The following GLIS3 variants were observed in gnomAD, a reference collection of about 807,000 sequenced individuals.
The protein encoded by GLIS3 is GLIS family zinc finger 3.
GLIS3 carries 53 observed loss-of-function variants against 78.6 expected under a neutral mutation model. The observed-to-expected ratio is 0.67, with a 90% CI of 0.54 to 0.85. GLIS3 has a LOEUF of 0.85. GLIS3 is among the 40% of genes least tolerant of loss of function. The pLI is 0.00. For missense variants in GLIS3, 1,703 were observed against 1,231.1 expected (o/e 1.38, Z -5.74); for synonymous variants, 684 against 509.9 (o/e 1.34, Z -4.60).
At chr9:3,879,159 A>G (rs1334870131) in intron 8 of GLIS3, among the ~76,000 whole-genome samples, 1 of 152,174 alleles carries the variant, frequency 6.6e-6, no homozygotes, top group East Asian at 1.9e-4. Flanking sequence ...GAAAGGTAGA[A>G]AGACAGGGAA....
At chr9:4,001,113 C>T (rs1311030809) in intron 4 of GLIS3, among the ~76,000 whole-genome samples, 1 of 152,194 alleles carries the variant, frequency 6.6e-6, no homozygotes, top group Non-Finnish European at 1.5e-5. Flanking sequence ...ACTTCCTACC[C>T]TCAAACAGCT....
chr9:4,418,682 G>C, the GLIS3 span, among the ~76,000 whole-genome samples: 1 of 152,054 alleles, frequency 6.6e-6, no homozygotes, highest in African/African-American at 2.4e-5. Flanking sequence ...CTGGATGACA[G>C]AGCCAGAGTC....
intron 8 of GLIS3, among the ~76,000 whole-genome samples, chr9:3,877,820 C>T (rs1206991748): frequency 4.6e-5 from 7 of 152,162 alleles, no homozygotes; most frequent in Non-Finnish European, 7.4e-5. Flanking sequence ...TTGTTTTTCC[C>T]GTCTCTCCTT....
At chr9:4,129,018 T>C (rs547284537) in intron 2 of GLIS3, among the ~76,000 whole-genome samples, 3 of 152,302 alleles carry the variant, frequency 2.0e-5, no homozygotes, top group Admixed American at 2.0e-4. Flanking sequence ...CTTGGGAACA[T>C]GTAAATGTTT....
chr9:4,050,658 A>G (rs911506193), intron 4 of GLIS3, among the ~76,000 whole-genome samples: 5 of 152,206 alleles, frequency 3.3e-5, no homozygotes, highest in Admixed American at 6.5e-5. Flanking sequence ...TGTGGAGTAT[A>G]TATCTCTGTA....
the GLIS3 span, among the ~76,000 whole-genome samples, chr9:4,478,788 G>T: frequency 5.3e-5 from 8 of 152,152 alleles, no homozygotes; most frequent in African/African-American, 1.9e-4. Context: ...GAATTAGAAT[G>T]AATTTTTTAA....
At chr9:4,194,451 A>T (rs954067145) in intron 2 of GLIS3, among the ~76,000 whole-genome samples, 3 of 152,196 alleles carry the variant, frequency 2.0e-5, no homozygotes, top group Admixed American at 6.5e-5. Context: ...AAATGTCATA[A>T]ATTATTTAAA....
chr9:4,042,873 A>C (rs1824936995), intron 4 of GLIS3, among the ~76,000 whole-genome samples: 1 of 152,068 alleles, frequency 6.6e-6, no homozygotes, highest in Admixed American at 6.6e-5. Flanking sequence ...TTTGAGTAAA[A>C]ACTTGAAAGT....
chr9:4,338,389 T>C lies in GLIS3; in HGVS notation n.264+8692A>G, dbSNP rs149503916. The stretch of plus-strand genomic sequence containing the variant: ...GTGTACACACACACACACACACACA[T>C]ACACACACACACACACACACAATTT... On this transcript the variant is annotated intron_variant and non_coding_transcript_variant, in intron 2 of 4. Coordinates refer to the GLIS3 transcript ENST00000471664. Among the ~76,000 whole-genome samples the C allele has an allele frequency of 8.7e-3, 1,287 of 147,328 alleles. 8 individuals are homozygous for C. The highest frequency in any genetic ancestry group is 0.028 in the African/African-American group (1,089 of 39,338).
At chr9:4,252,941 G>A (rs1824537084) in intron 2 of GLIS3, among the ~76,000 whole-genome samples, 2 of 152,188 alleles carry the variant, frequency 1.3e-5, no homozygotes, top group Admixed American at 1.3e-4. Flanking sequence ...CACCAGTGGA[G>A]GCTGCAGAAC....
intron 2 of GLIS3, among the ~76,000 whole-genome samples, chr9:4,336,972 G>T (rs950182509): frequency 2.6e-5 from 4 of 152,166 alleles, no homozygotes; most frequent in Admixed American, 1.3e-4. Context: ...CCAGAGGACA[G>T]AATATAAATG....
chr9:4,271,988 G>A (rs1162824913), intron 2 of GLIS3, among the ~76,000 whole-genome samples: 1 of 152,140 alleles, frequency 6.6e-6, no homozygotes, highest in Non-Finnish European at 1.5e-5. Flanking sequence ...ATTCTCATTT[G>A]TGAGAATTAA....
chr9:4,432,218 G>A, the GLIS3 span, among the ~76,000 whole-genome samples: 1 of 138,802 alleles, frequency 7.2e-6, no homozygotes, highest in Non-Finnish European at 1.5e-5. Context: ...TCAGTGTATA[G>A]GAGTTGCCAA....
the GLIS3 span, among the ~76,000 whole-genome samples, chr9:4,486,830 C>A: frequency 1.3e-5 from 2 of 152,126 alleles, no homozygotes; most frequent in African/African-American, 2.4e-5. Context: ...GTGAGGACTA[C>A]AGGCATGTGC....
intron 4 of GLIS3, among the ~76,000 whole-genome samples, chr9:4,068,582 A>G (rs1399993156): frequency 6.6e-6 from 1 of 152,152 alleles, no homozygotes; most frequent in Non-Finnish European, 1.5e-5. Flanking sequence ...TATAATCAGA[A>G]ACCAAAAATA....
intron 4 of GLIS3, 63 bp downstream of exon 4, chr9:4,117,703 AAC>A (rs1831773348): frequency 3.1e-6 from 5 of 1,597,528 alleles, no homozygotes; most frequent in Non-Finnish European, 4.3e-6. Context: ...GTTAGGAAAA[AAC>A]ACACGTACGC....
intron 4 of GLIS3, among the ~76,000 whole-genome samples, chr9:3,998,135 A>G (rs2129877863): frequency 6.6e-6 from 1 of 152,206 alleles, no homozygotes; most frequent in South Asian, 2.1e-4. Flanking sequence ...TTACTCTTTG[A>G]GCATCTCCTT....
chr9:4,068,124 A>G (rs574864935), intron 4 of GLIS3, among the ~76,000 whole-genome samples: 1 of 152,190 alleles, frequency 6.6e-6, no homozygotes. Flanking sequence ...GGCTGGTAGT[A>G]AGCATGAATT....
chr9:4,298,524 G>C (rs901338501), intron 1 of GLIS3: 2 of 395,348 alleles, frequency 5.1e-6, no homozygotes, highest in East Asian at 9.3e-5. Flanking sequence ...GTGTGTCTAG[G>C]AGAGAGCCGG....
Sources: allele counts gnomAD v4.1 joint callset (sites outside exome capture counted in the v4.1 genomes callset), GRCh38; gene constraint gnomAD v4.1.1; transcripts MANE v1.5; gene names NCBI Gene and HGNC (gene_info 2026-07-23, HGNC 2026-07-21).